Variants in ZNF385D observed in about 807,000 individuals in gnomAD.
The protein encoded by ZNF385D is zinc finger protein 659.
ZNF385D carries 15 observed loss-of-function variants against 35.8 expected under a neutral mutation model. That is an observed-to-expected ratio of 0.42 (90% CI 0.28 to 0.64). The LOEUF (loss-of-function observed/expected upper bound fraction) is 0.64. ZNF385D is among the 30% of genes least tolerant of loss of function. The pLI is 0.23. For synonymous variants in ZNF385D, 212 were observed against 186.8 expected, an observed-to-expected ratio of 1.13 and a Z score of -1.10; for missense variants, 474 against 494.6, an observed-to-expected ratio of 0.96 and a Z score of 0.39.
intron 4 of ZNF385D, chr3:21,459,580 G>C (rs1260743226): frequency 1.3e-5 from 2 of 152,132 alleles, no homozygotes; most frequent in Non-Finnish European, 2.9e-5. Context: ...TGTGAAATCA[G>C]CACAAGATGG....
intron 3 of ZNF385D, among the ~76,000 whole-genome samples, chr3:21,896,559 A>G (rs1699148156): frequency 6.6e-6 from 1 of 152,154 alleles, no homozygotes; most frequent in Non-Finnish European, 1.5e-5. Flanking sequence ...TTTTATGAAC[A>G]GGGCAGCACG....
Position 21,665,007 on chromosome 3 carries a change from G to T in ZNF385D, c.44C>A (p.Ala15Asp), listed in dbSNP as rs1023854031. ...MYFGGTCQSP[A>D]LPALVRPPAP... ...TGGTGGACGGACAAGGGCCGGGAGA[G>T]CAGGACTCTGGCATGTACCACCTGT... Residue 15 changes from alanine (A) to aspartate (D), a missense_variant, in exon 2 of 8, where the codon GCT becomes GAT. Ala to Asp is a moderately radical substitution (Grantham distance 126). Coordinates refer to ENST00000281523, the MANE Select transcript of ZNF385D (RefSeq NM_024697.3). The T allele has an allele frequency of 5.6e-6, 9 of 1,612,202 alleles. No homozygotes were observed. The East Asian group carries it at 2.0e-4, about 36-fold the overall frequency.
At chr3:22,322,404 A>G (rs1208600434) in intron 2 of ZNF385D, among the ~76,000 whole-genome samples, 4 of 152,066 alleles carry the variant, frequency 2.6e-5, no homozygotes, top group Non-Finnish European at 4.4e-5. Flanking sequence ...ACCTCCAGAT[A>G]CTATTTCACT....
rs149991503 is a variant in ZNF385D at position 22,225,118 on chromosome 3, C to T, written c.107-56083G>A. Among the ~76,000 whole-genome samples the T allele has an allele frequency of 9.9e-5, 15 of 152,212 alleles. No homozygotes were observed. The East Asian group carries it at 2.3e-3, about 23-fold the overall frequency. The stretch of plus-strand genomic sequence containing the variant: ...TTTGTCACACTTTTACACAAAATTC[C>T]TGACTTTATGTAGTGTTAATTTGCT... On this transcript the variant is annotated intron_variant, in intron 2 of 5. Coordinates refer to the ZNF385D transcript ENST00000494108.
At chr3:21,779,340 A>T (rs187336757) in intron 3 of ZNF385D, among the ~76,000 whole-genome samples, 3 of 150,566 alleles carry the variant, frequency 2.0e-5, no homozygotes, top group East Asian at 3.9e-4. Flanking sequence ...ATTCTGAAAC[A>T]TGTCTAAATA....
intron 2 of ZNF385D, among the ~76,000 whole-genome samples, chr3:21,628,509 T>TAA (rs57507160): frequency 0.06 from 9,103 of 151,724 alleles, 535 homozygotes; most frequent in East Asian, 0.23. Flanking sequence ...ATCTAGATTT[T>TAA]AAAAAAATCT....
chr3:21,570,743 C>A (rs1341009698), intron 2 of ZNF385D, among the ~76,000 whole-genome samples: 5 of 152,046 alleles, frequency 3.3e-5, no homozygotes, highest in Non-Finnish European at 4.4e-5. Context: ...GACTTGCTAA[C>A]ACAAGCCTCC....
chr3:22,062,516 T>C (rs1464067916), intron 3 of ZNF385D, among the ~76,000 whole-genome samples: 1 of 152,224 alleles, frequency 6.6e-6, no homozygotes, highest in African/African-American at 2.4e-5. Flanking sequence ...TTTCAATTAG[T>C]AGTGAGCCTA....
chr3:21,760,493 T>C (rs906092910), intron 3 of ZNF385D, among the ~76,000 whole-genome samples: 2 of 152,228 alleles, frequency 1.3e-5, no homozygotes, highest in Admixed American at 1.3e-4. Flanking sequence ...TGGGACGTTA[T>C]TACTGCTACT....
rs74738023 is a variant in ZNF385D, at chr3:22,038,500, T to C, written c.325+130317A>G. Among the ~76,000 whole-genome samples the C allele has an allele frequency of 2.3e-3, 357 of 152,232 alleles. 3 individuals carry two copies. The highest frequency in any genetic ancestry group is 7.9e-3 in the African/African-American group (328 of 41,532). ...AATGGAGACTGGAGCAGAGGTAGCA[T>C]TGGCAAATGTTATTTGTACTGTTGT... On this transcript the variant is annotated intron_variant, in intron 3 of 5. Transcript: ENST00000494108.
chr3:21,592,573 A>G (rs541051335), intron 2 of ZNF385D, among the ~76,000 whole-genome samples: 19 of 148,230 alleles, frequency 1.3e-4, no homozygotes, highest in African/African-American at 4.4e-4. Flanking sequence ...CAAAAAAAAA[A>G]AACAATTATT....
At chr3:21,711,368 G>A (rs1198336492) in intron 1 of ZNF385D, among the ~76,000 whole-genome samples, 4 of 151,930 alleles carry the variant, frequency 2.6e-5, no homozygotes, top group Non-Finnish European at 4.4e-5. Context: ...AATTAAATAC[G>A]TAATCTTTTT....
chr3:22,080,850 G>A (rs529016932), intron 3 of ZNF385D, among the ~76,000 whole-genome samples: 2 of 151,944 alleles, frequency 1.3e-5, no homozygotes, highest in African/African-American at 4.8e-5. Flanking sequence ...CTCCACGTGA[G>A]GACACAGTAA....
chr3:22,080,025 AC>A lies in ZNF385D; in HGVS notation c.325+88791del, dbSNP rs1312069371. ...AGAGAAAGAATATCAAAGTTGTTAC[AC>A]TTTCCTGGTAGACTGCCAACCTACA... On this transcript the variant is annotated intron_variant, in intron 3 of 5. Transcript: ENST00000494108. Among the ~76,000 whole-genome samples the A allele has an allele frequency of 2.6e-4, 39 of 152,210 alleles. 2 individuals carry two copies. In the East Asian group the frequency reaches 7.0e-3, roughly 27 times the overall value.
At chr3:21,763,921 G>C (rs2070723325) in intron 3 of ZNF385D, among the ~76,000 whole-genome samples, 1 of 152,152 alleles carries the variant, frequency 6.6e-6, no homozygotes, top group Admixed American at 6.6e-5. Context: ...AGAACTGTGA[G>C]AGGGGCCAGG....
At chr3:22,185,720 C>G (rs1019172587) in intron 2 of ZNF385D, among the ~76,000 whole-genome samples, 1 of 152,216 alleles carries the variant, frequency 6.6e-6, no homozygotes. Context: ...CCCGCCTTGG[C>G]CTTCCAAAGT....
chr3:21,481,565 T>A (rs1388645612), intron 4 of ZNF385D, among the ~76,000 whole-genome samples: 1 of 152,188 alleles, frequency 6.6e-6, no homozygotes, highest in Non-Finnish European at 1.5e-5. Context: ...GGTCTCGCTC[T>A]GTCATCCAGG....
At chr3:21,444,575 C>G (rs111735227) in intron 4 of ZNF385D, among the ~76,000 whole-genome samples, 1 of 150,404 alleles carries the variant, frequency 6.6e-6, no homozygotes, top group Admixed American at 6.6e-5. Flanking sequence ...TTAGTAGAGG[C>G]GGGGTTTCAC....
chr3:22,294,066 G>A (rs1258600988), intron 2 of ZNF385D, among the ~76,000 whole-genome samples: 1 of 151,642 alleles, frequency 6.6e-6, no homozygotes, highest in Non-Finnish European at 1.5e-5. Flanking sequence ...ATCCTATAGA[G>A]TATTTGGAGG....
Sources: allele counts gnomAD v4.1 joint callset (sites outside exome capture counted in the v4.1 genomes callset), GRCh38; gene constraint gnomAD v4.1.1; transcripts MANE v1.5; gene names NCBI Gene and HGNC (gene_info 2026-07-23, HGNC 2026-07-21).